PLXND1: variants seen among roughly 807,000 people sequenced by gnomAD.
PLXND1 encodes the protein plexin D1, also known as plexin-D1.
A neutral mutation model predicts 197.7 loss-of-function variants in PLXND1; 54 were observed. That is an observed-to-expected ratio of 0.27 (90% CI 0.22 to 0.34). The LOEUF (loss-of-function observed/expected upper bound fraction) is 0.34. Ranked by LOEUF, PLXND1 falls within the 10% of genes least tolerant of loss-of-function variation. PLXND1 has a pLI of 1.00. For synonymous variants in PLXND1, 1,180 were observed against 1,161.2 expected (o/e 1.02, Z -0.33); for missense variants, 2,127 against 2,699.2 (o/e 0.79, Z 4.70).
rs2085789248 is a variant in PLXND1 at position 129,606,110 on chromosome 3, G to A, written c.530C>T (p.Pro177Leu). 6.5e-7 allele frequency: 1 copy of A among 1,542,282 alleles called. No homozygotes were observed. The highest frequency in any genetic ancestry group is 1.4e-5 in the African/African-American group (1 of 72,560). ...APPAEPVTVF[P>L]SMLNVAANHP... Reference sequence around the variant, plus strand: ...GTTGGCCGCCACGTTCAGCATGCTGGGGAACACCGTGACGGGCTCGGCGGG... The same window carrying A: ...GTTGGCCGCCACGTTCAGCATGCTGAGGAACACCGTGACGGGCTCGGCGGG... The change falls in exon 1 of 36, where the codon CCC (proline) becomes CTC (leucine). Residue 177 changes from proline (P) to leucine (L), a missense_variant. Pro to Leu is a moderately conservative substitution (Grantham distance 98, BLOSUM62 -3). Around this residue, in one of 6 missense-constraint regions of PLXND1, gnomAD observed 245 missense variants for 267.1 expected, o/e 0.92. Transcript: ENST00000324093.
chr3:129,560,956 G>C (rs2085049530), intron 29 of PLXND1: 1 of 654,466 alleles, frequency 1.5e-6, no homozygotes, highest in Admixed American at 2.1e-5. Context: ...GTCTGGGAGA[G>C]ACGGAGAGAG....
chr3:129,571,439 C>T, intron 17 of PLXND1, 70 bp downstream of exon 17: 2 of 1,535,704 alleles, frequency 1.3e-6, no homozygotes, highest in Non-Finnish European at 1.8e-6. Flanking sequence ...TGGGAGGAGG[C>T]CTGGTCAGTT....
chr3:129,565,806 CCCCAGGA>C, intron 24 of PLXND1, 74 bp downstream of exon 24: 1 of 1,469,280 alleles, frequency 6.8e-7, no homozygotes, highest in Non-Finnish European at 9.4e-7. Context: ...AGCCCCAGAG[CCCCAGGA>C]CCCAGGACCT....
intron 1 of PLXND1, among the ~76,000 whole-genome samples, chr3:129,604,580 T>C (rs1321545972): frequency 6.6e-6 from 1 of 152,190 alleles, no homozygotes; most frequent in Non-Finnish European, 1.5e-5. Flanking sequence ...TACCCCAGAC[T>C]CCCACACCTG....
intron 1 of PLXND1, 149 bp from the exon 2 acceptor site, chr3:129,589,676 A>C: frequency 1.5e-6 from 1 of 675,172 alleles, no homozygotes; most frequent in Non-Finnish European, 2.4e-6. Context: ...AGGCCCAAAC[A>C]CAAACGGGAC....
Position 129,589,423 on chromosome 3 carries a change from G to C in PLXND1, c.1416C>G (p.Thr472=). Residue 472 remains threonine (T), a synonymous_variant, in exon 2 of 36, where the codon ACC becomes ACG. Coordinates refer to ENST00000324093, the MANE Select transcript of PLXND1 (RefSeq NM_015103.3). ...ATPVFRAPGL[T]SVAVASVNNY... is the part of the protein sequence containing the mutation. ...TGTTGACGCTGGCCACGGCCACGGA[G>C]GTGAGGCCCGGGGCGCGGAACACGG... is the stretch of plus-strand genomic sequence containing the variant. 1 of 1,611,896 alleles carries C rather than the reference G, an allele frequency of 6.2e-7. No homozygotes were observed. The highest frequency in any genetic ancestry group is 1.1e-5 in the South Asian group (1 of 90,946).
Position 129,558,366 on chromosome 3 carries a change from C to T in PLXND1, c.5445+62G>A, listed in dbSNP as rs2108761636. 2.6e-6 allele frequency: 4 copies of T among 1,514,622 alleles called. No individual in the cohort carries two copies. In the South Asian group the frequency reaches 3.5e-5, roughly 13 times the overall value. 93.8% of individuals were successfully genotyped at this position (1,514,622 alleles called of 1,614,324 possible). The stretch of plus-strand genomic sequence containing the variant: ...GCCTCAGAGAGTCGAGGAGGCTACC[C>T]ATGGTCGGCACCCCACTCTGGCCCT... On this transcript the variant is annotated intron_variant, in intron 33 of 35. Transcript: ENST00000324093. This position sits in a 1 kb window ranked among gnomAD's most constrained non-coding sequence, Gnocchi z 4.1.
chr3:129,584,354 T>G (rs2811463), intron 6 of PLXND1, 31 bp downstream of exon 6: 1 of 1,608,672 alleles, frequency 6.2e-7, no homozygotes, highest in Non-Finnish European at 8.5e-7. Flanking sequence ...TCTGCCCCTC[T>G]GGGGCTGTGC....
At chr3:129,594,146 A>G (rs2811450) in intron 1 of PLXND1, among the ~76,000 whole-genome samples, 43,120 of 152,112 alleles carry the variant, frequency 0.28, 6,971 homozygotes, top group East Asian at 0.75. Flanking sequence ...CGGTTCCGTC[A>G]CAGGTACAGA....
intron 1 of PLXND1, among the ~76,000 whole-genome samples, chr3:129,602,747 T>G (rs1036576668): frequency 2.6e-5 from 4 of 152,164 alleles, no homozygotes; most frequent in Admixed American, 1.3e-4. Context: ...ATAATGTCCC[T>G]TAGAGTAATA....
intron 11 of PLXND1, 73 bp from the exon 12 acceptor site, chr3:129,574,563 C>T: frequency 6.9e-7 from 1 of 1,455,162 alleles, no homozygotes; most frequent in Non-Finnish European, 9.4e-7. Context: ...GCCCTCCACA[C>T]ACAACAACTG....
chr3:129,570,723 T>C (rs1303391821), intron 19 of PLXND1, 63 bp downstream of exon 19: 20 of 1,534,720 alleles, frequency 1.3e-5, no homozygotes, highest in Non-Finnish European at 1.7e-5. Context: ...GAGGGGCAGA[T>C]GCTTGGCAGA....
At position 129,562,962 on chromosome 3, in the gene PLXND1, A is replaced by C; in HGVS notation, c.4669-19T>G. The stretch of plus-strand genomic sequence containing the variant: ...TCAGGTTCTGCAGGGGGAGAGTGGG[A>C]GAGAAAGGTCAGTGAGTTGCTGCCA... On this transcript the variant is annotated intron_variant, in intron 26 of 35. Transcript: ENST00000324093. The C allele has an allele frequency of 6.2e-7, 1 of 1,602,086 alleles. No homozygotes were observed. Among genetic ancestry groups the C allele is most frequent in the Non-Finnish European group, 8.5e-7 (1 of 1,170,020 alleles).
At chr3:129,578,219 T>C (rs1002109026) in intron 9 of PLXND1, 110 bp downstream of exon 9, 42 of 730,626 alleles carry the variant, frequency 5.7e-5, no homozygotes, top group South Asian at 1.5e-5. Context: ...GCGAAAGCAC[T>C]GCAGTGGGCC....
At chr3:129,568,527 A>C (rs2085176065) in intron 20 of PLXND1, among the ~76,000 whole-genome samples, 1 of 152,140 alleles carries the variant, frequency 6.6e-6, no homozygotes, top group Non-Finnish European at 1.5e-5. Context: ...AGTGATTTAA[A>C]GTGTATACTT....
intron 2 of PLXND1, 141 bp downstream of exon 2, chr3:129,589,210 C>T (rs567337003): frequency 1.6e-5 from 11 of 685,646 alleles, no homozygotes; most frequent in Non-Finnish European, 2.7e-5. Flanking sequence ...ACTTTGTAAA[C>T]TGTAAAGTGC....
chr3:129,605,832 C>T lies in PLXND1; in HGVS notation c.808G>A (p.Gly270Ser). ...CCCAGCTTGTGCTGCTCCTTGGCGC[C>T]CTGCTTGATCTTGAGGATGTTGTCG... The part of the protein sequence containing the change: ...SDDNILKIKQ[G>S]AKEQHKLGFV... The change falls in exon 1 of 36, where the codon GGC becomes AGC. Residue 270 changes from glycine (G) to serine (S), a missense_variant. Physicochemically the swap from Gly to Ser is moderately conservative, Grantham distance 56 (BLOSUM62 0). Around this residue, in one of 6 missense-constraint regions of PLXND1, gnomAD observed 1,095 missense variants for 1,259.8 expected, o/e 0.87. Transcript: ENST00000324093. 2.5e-6 allele frequency: 4 copies of T among 1,612,516 alleles called. No individual in the cohort carries two copies. The highest frequency in any genetic ancestry group is 3.4e-6 in the Non-Finnish European group (4 of 1,179,516).
Position 129,606,436 on chromosome 3 carries a change from CG to C in PLXND1, c.203del (p.Ala68GlyfsTer20). 2 of 1,481,090 alleles carry C rather than the reference CG, an allele frequency of 1.4e-6. No homozygotes were observed. The highest frequency in any genetic ancestry group is 1.4e-5 in the South Asian group (1 of 73,338). 91.7% of individuals were successfully genotyped at this position (1,481,090 alleles called of 1,614,324 possible). ...TGACGGCCGCCAGGTACACGGTCCC[CG>C]CCGCGCCGTCCAGGGCGAAGTTGTT... Reference protein sequence around the residue: ...PTNNFALDGAAGTVYLAAVNR... With the variant: ...PTNNFALDGAXGTVYLAAVNR... On this transcript the variant is annotated frameshift_variant, in exon 1 of 36. Coordinates refer to ENST00000324093, the MANE Select transcript of PLXND1 (RefSeq NM_015103.3). LOFTEE classifies it high-confidence loss of function.
In PLXND1 at chr3:129,562,918, C is replaced by T. The variant is rs759181416; in HGVS notation, c.4694G>A (p.Cys1565Tyr). 3 of 1,606,216 alleles carry T rather than the reference C, an allele frequency of 1.9e-6. No individual in the cohort carries two copies. The African/African-American group carries it at 4.0e-5, about 21-fold the overall frequency. The stretch of plus-strand genomic sequence containing the variant: ...CCGCACGCTCAGCGAGTCCATGCCA[C>T]AGCCCTGGAAGGACACGTTCAGGTT... Reference protein sequence around the residue: ...PRNLNVSFQGCGMDSLSVRAM... With the variant: ...PRNLNVSFQGYGMDSLSVRAM... The change falls in exon 27 of 36, where the codon TGT becomes TAT. Residue 1565 changes from cysteine to tyrosine, a missense_variant. Physicochemically the swap from Cys to Tyr is radical, Grantham distance 194. Transcript: ENST00000324093.
Sources: gnomAD v4.1 joint callset for allele counts (sites outside exome capture counted in the v4.1 genomes callset) on GRCh38, gnomAD v4.1.1 for gene constraint, gnomAD v4.1.1 regional missense constraint, Gnocchi (gnomAD v3.1) non-coding constraint, MANE v1.5 for transcripts, NCBI Gene and HGNC (gene_info 2026-07-23, HGNC 2026-07-21) for gene names.